The following RHEX variants were observed in gnomAD, a reference collection of about 807,000 sequenced individuals.
RHEX encodes regulator of hemoglobinization and erythroid cell expansion protein.
Under a neutral mutation model 20.1 loss-of-function variants are expected in RHEX, and 18 were observed. The ratio of observed to expected loss-of-function variants is 0.90; its 90% CI spans 0.62 to 1.33. RHEX has a LOEUF of 1.33. Ranked by LOEUF, RHEX falls within the 40% of genes most tolerant of loss-of-function variation. The pLI is 0.00. For missense variants in RHEX, 192 were observed against 214.3 expected (o/e 0.90, Z 0.65); for synonymous variants, 87 against 77.1 (o/e 1.13, Z -0.67).
intron 1 of RHEX, among the ~76,000 whole-genome samples, chr1:206,053,790 T>C (rs1224735754): frequency 2.0e-5 from 3 of 152,214 alleles, no homozygotes; most frequent in South Asian, 2.1e-4. Flanking sequence ...CCAGTTTCCA[T>C]ACATAGAAAG....
At chr1:206,066,641 A>C (rs1662429233) in intron 1 of RHEX, among the ~76,000 whole-genome samples, 1 of 152,224 alleles carries the variant, frequency 6.6e-6, no homozygotes, top group African/African-American at 2.4e-5. Flanking sequence ...TACAACCTAC[A>C]GGCAGGGAAG....
intron 1 of RHEX, among the ~76,000 whole-genome samples, chr1:206,093,308 G>T (rs915630987): frequency 2.0e-5 from 3 of 148,034 alleles, no homozygotes; most frequent in Non-Finnish European, 4.5e-5. Flanking sequence ...GTCTTGCTCT[G>T]TCACACAGGC....
At chr1:206,093,093 T>G (rs1029012141) in intron 1 of RHEX, among the ~76,000 whole-genome samples, 2 of 152,162 alleles carry the variant, frequency 1.3e-5, no homozygotes, top group Non-Finnish European at 2.9e-5. Context: ...CTAGCTCCCT[T>G]CTTTCCCCTT....
intron 3 of RHEX, among the ~76,000 whole-genome samples, chr1:206,098,794 G>A (rs1448615001): frequency 1.3e-5 from 2 of 152,140 alleles, no homozygotes; most frequent in Non-Finnish European, 2.9e-5. Flanking sequence ...GAGCATCTAA[G>A]ACACTCTCTG....
At chr1:206,099,483 T>G (rs1553288113) in intron 3 of RHEX, among the ~76,000 whole-genome samples, 172 bp from the exon 4 acceptor site, 1 of 152,086 alleles carries the variant, frequency 6.6e-6, no homozygotes, top group Non-Finnish European at 1.5e-5. Context: ...CATGCCCAAC[T>G]AATTTTTGTA....
chr1:206,082,288 C>T (rs1359101992), intron 1 of RHEX, among the ~76,000 whole-genome samples: 6 of 151,968 alleles, frequency 3.9e-5, no homozygotes, highest in Non-Finnish European at 7.4e-5. Context: ...GAGGCTGAGG[C>T]GGGTGAAGCA....
At chr1:206,096,780 G>T (rs111367964) in intron 1 of RHEX, among the ~76,000 whole-genome samples, 4,099 of 71,418 alleles carry the variant, frequency 0.057, 88 homozygotes, top group East Asian at 0.24. Context: ...TTTTTTTTTT[G>T]GTTTTTTTTT....
At chr1:206,057,308 C>T (rs1253807144) in intron 1 of RHEX, among the ~76,000 whole-genome samples, 1 of 152,220 alleles carries the variant, frequency 6.6e-6, no homozygotes, top group Admixed American at 6.5e-5. Flanking sequence ...AGACCCGGTT[C>T]CTGATGAATT....
chr1:206,069,663 A>G (rs1006297918), intron 1 of RHEX, among the ~76,000 whole-genome samples: 1 of 152,192 alleles, frequency 6.6e-6, no homozygotes, highest in African/African-American at 2.4e-5. Context: ...GTCTTTGTGC[A>G]CTGGAGATGA....
At chr1:206,089,932 C>T (rs1262615078) in intron 1 of RHEX, among the ~76,000 whole-genome samples, 6 of 151,762 alleles carry the variant, frequency 4.0e-5, no homozygotes, top group African/African-American at 1.5e-4. Context: ...TTTAATGGCT[C>T]GATTTTAAAA....
chr1:206,068,095 G>C (rs1227010225), intron 1 of RHEX, among the ~76,000 whole-genome samples: 2 of 152,318 alleles, frequency 1.3e-5, no homozygotes, highest in African/African-American at 4.8e-5. Context: ...CAGCCCATGT[G>C]ACCTGATTGC....
intron 1 of RHEX, among the ~76,000 whole-genome samples, chr1:206,091,549 T>C (rs1288009067): frequency 2.6e-5 from 4 of 152,216 alleles, no homozygotes; most frequent in African/African-American, 9.7e-5. Context: ...AAGATCATAA[T>C]TTTAAAAATT....
At chr1:206,073,249 C>T (rs1662568870) in intron 1 of RHEX, among the ~76,000 whole-genome samples, 1 of 152,132 alleles carries the variant, frequency 6.6e-6, no homozygotes, top group African/African-American at 2.4e-5. Flanking sequence ...ACTCTACTCC[C>T]AAGGCTTCAG....
At chr1:206,095,388 A>G (rs1298605017) in intron 1 of RHEX, among the ~76,000 whole-genome samples, 3 of 152,174 alleles carry the variant, frequency 2.0e-5, no homozygotes, top group Non-Finnish European at 4.4e-5. Context: ...TAAGAGTAAA[A>G]AAATAGCTAA....
chr1:206,101,925 A>T lies in RHEX; in HGVS notation c.492A>T (p.Pro164=), dbSNP rs1553288502. ...WYFVNPALSE[P]AEYDQVAM Reference sequence around the variant, plus strand: ...TTGTCAACCCTGCTCTGTCTGAGCCAGCGGAATATGATCAAGTGGCCATGT... The same window carrying T: ...TTGTCAACCCTGCTCTGTCTGAGCCTGCGGAATATGATCAAGTGGCCATGT... Residue 164 remains proline, a synonymous_variant, in exon 6 of 6, where the codon CCA becomes CCT. Transcript: ENST00000331555. The T allele has an allele frequency of 6.2e-7, 1 of 1,614,012 alleles. No individual in the cohort carries two copies. The highest frequency in any genetic ancestry group is 8.5e-7 in the Non-Finnish European group (1 of 1,179,892).
chr1:206,079,473 A>G (rs1168627735), intron 1 of RHEX, among the ~76,000 whole-genome samples: 1 of 152,256 alleles, frequency 6.6e-6, no homozygotes, highest in African/African-American at 2.4e-5. Flanking sequence ...ATCACAGTGT[A>G]GTTGCCAATA....
intron 1 of RHEX, among the ~76,000 whole-genome samples, chr1:206,070,580 C>G (rs942047570): frequency 2.0e-5 from 3 of 152,190 alleles, no homozygotes; most frequent in Non-Finnish European, 4.4e-5. Context: ...CTCACTTGCT[C>G]TCTTAATGTT....
chr1:206,082,837 A>G (rs1571865649), intron 1 of RHEX, among the ~76,000 whole-genome samples: 2 of 152,174 alleles, frequency 1.3e-5, no homozygotes, highest in East Asian at 3.9e-4. Context: ...ATAGAGGCCT[A>G]CAAATCTCTG....
rs1010935123 is a variant in RHEX at position 206,098,186 on chromosome 1, C to G, written c.112+5C>G. 8 of 1,599,016 alleles carry G rather than the reference C, an allele frequency of 5.0e-6. No individual in the cohort carries two copies. The highest frequency in any genetic ancestry group is 1.3e-5 in the African/African-American group (1 of 74,660). On this transcript the variant is annotated splice_donor_5th_base_variant and intron_variant, in intron 3 of 5. Coordinates refer to ENST00000331555, the MANE Select transcript of RHEX (RefSeq NM_001007544.4). Reference sequence around the variant, plus strand: ...ACCTGCTCAGCAGGCACATGGGTAACTGGCTCAGCATCCTCTTCCCTCCTA... The same window carrying G: ...ACCTGCTCAGCAGGCACATGGGTAAGTGGCTCAGCATCCTCTTCCCTCCTA...
Sources: allele counts gnomAD v4.1 joint callset (sites outside exome capture counted in the v4.1 genomes callset), GRCh38; gene constraint gnomAD v4.1.1; transcripts MANE v1.5; gene names NCBI Gene and HGNC (gene_info 2026-07-23, HGNC 2026-07-21).